CEP162: variants seen among roughly 807,000 people sequenced by gnomAD.
CEP162 encodes centrosomal protein 162.
Under a neutral mutation model 169.2 loss-of-function variants are expected in CEP162, and 141 were observed. That is an observed-to-expected ratio of 0.83 (90% CI 0.73 to 0.96). The LOEUF (loss-of-function observed/expected upper bound fraction) is 0.96, where lower values mean the gene tolerates loss of function less well. CEP162 is among the 40% of genes least tolerant of loss of function. The pLI, the probability that CEP162 is intolerant of heterozygous loss-of-function variation, is 0.00. For synonymous variants in CEP162, 540 were observed against 526.4 expected (o/e 1.03, Z -0.35); for missense variants, 1,600 against 1,587.2 (o/e 1.01, Z -0.14).
At chr6:84,183,463 T>C (rs1161727486) in intron 13 of CEP162, among the ~76,000 whole-genome samples, 1 of 152,104 alleles carries the variant, frequency 6.6e-6, no homozygotes, top group Admixed American at 6.6e-5. Context: ...ATGCAATCAC[T>C]CCCCAGTCTC....
chr6:84,147,254 T>C (rs2129198538), intron 24 of CEP162, among the ~76,000 whole-genome samples: 1 of 151,732 alleles, frequency 6.6e-6, no homozygotes, highest in Non-Finnish European at 1.5e-5. Flanking sequence ...ATACTGCATG[T>C]TCTCACTCAT....
chr6:84,155,377 A>C lies in CEP162; in HGVS notation c.2915T>G (p.Leu972Arg). 6.2e-7 allele frequency: 1 copy of C among 1,613,610 alleles called. No homozygotes were observed. Among genetic ancestry groups the C allele is most frequent in the Non-Finnish European group, 8.5e-7 (1 of 1,179,688 alleles). The change falls in exon 22 of 27, where the codon CTA (leucine) becomes CGA (arginine). Residue 972 changes from leucine to arginine, a missense_variant. By Grantham distance (102) the Leu-to-Arg change is moderately radical. Coordinates refer to ENST00000403245, the MANE Select transcript of CEP162 (RefSeq NM_014895.4). ...ATCTTTGCCCTCCAGATCAGCTTCT[A>C]GCTTTTTTATCCTTTTCTCCATAAA... ...VEFMEKRIKK[L>R]EADLEGKDED...
At chr6:84,131,412 T>G (rs2099511379) in intron 25 of CEP162, among the ~76,000 whole-genome samples, 1 of 152,206 alleles carries the variant, frequency 6.6e-6, no homozygotes, top group Non-Finnish European at 1.5e-5. Context: ...GTTAACTTTC[T>G]GTCTCGTTGA....
intron 25 of CEP162, among the ~76,000 whole-genome samples, chr6:84,139,170 T>C (rs2099515438): frequency 6.6e-6 from 1 of 152,202 alleles, no homozygotes; most frequent in South Asian, 2.1e-4. Context: ...TACATTTTCC[T>C]TTAGTGAAGA....
intron 22 of CEP162, among the ~76,000 whole-genome samples, chr6:84,154,045 T>C (rs1279863541): frequency 6.6e-6 from 1 of 151,898 alleles, no homozygotes; most frequent in African/African-American, 2.4e-5. Flanking sequence ...GTTTTGGAAG[T>C]AGGAAGAGCA....
intron 25 of CEP162, among the ~76,000 whole-genome samples, chr6:84,138,074 T>TA (rs2099514928): frequency 6.6e-6 from 1 of 152,336 alleles, no homozygotes; most frequent in Non-Finnish European, 1.5e-5. Context: ...ATTGCTCAGT[T>TA]ATCTCATGGC....
chr6:84,139,431 A>G (rs968473939), intron 25 of CEP162, among the ~76,000 whole-genome samples: 1 of 152,232 alleles, frequency 6.6e-6, no homozygotes, highest in South Asian at 2.1e-4. Flanking sequence ...ACACATTAAT[A>G]AATTTGTTTT....
At position 84,203,884 on chromosome 6, in the gene CEP162, A is replaced by G. The variant is rs2099545642; in HGVS notation, c.687+97T>C. The stretch of plus-strand genomic sequence containing the variant: ...TAAGTTTACAACAATAAGCAAGATT[A>G]TGAAGAACTCCATTTTTTGAGCTCT... On this transcript the variant is annotated intron_variant, in intron 7 of 26. Coordinates refer to ENST00000403245, the MANE Select transcript of CEP162 (RefSeq NM_014895.4). 5 of 545,344 alleles carry G rather than the reference A, an allele frequency of 9.2e-6. No individual in the cohort carries two copies. The South Asian group carries it at 1.8e-4, about 20-fold the overall frequency. The allele number at this position is 545,344 out of a possible 1,614,324, so 33.8% of individuals were successfully genotyped here. A position where few individuals can be genotyped will look rare whatever the true frequency, so the allele number is the denominator to read the frequency against.
intron 6 of CEP162, among the ~76,000 whole-genome samples, chr6:84,205,663 A>T (rs1452959751): frequency 6.6e-6 from 1 of 152,066 alleles, no homozygotes; most frequent in African/African-American, 2.4e-5. Context: ...CTGGCACAAG[A>T]CAGGGATGCC....
intron 11 of CEP162, among the ~76,000 whole-genome samples, chr6:84,189,288 C>T (rs947189570): frequency 3.9e-5 from 6 of 152,168 alleles, no homozygotes; most frequent in Admixed American, 3.9e-4. Context: ...AGCCCTTCAG[C>T]CCCCCACTGC....
At chr6:84,168,270 C>T (rs140721516) in intron 18 of CEP162, among the ~76,000 whole-genome samples, 274 of 152,196 alleles carry the variant, frequency 1.8e-3, no homozygotes, top group Non-Finnish European at 3.2e-3. Flanking sequence ...AAGGAGGGGT[C>T]GTCCAATAAT....
chr6:84,161,398 A>G (rs912145107), intron 20 of CEP162, among the ~76,000 whole-genome samples: 1 of 152,138 alleles, frequency 6.6e-6, no homozygotes, highest in African/African-American at 2.4e-5. Context: ...CTAAAGCTAG[A>G]GTATTCCAGG....
intron 2 of CEP162, 25 bp from the exon 3 acceptor site, chr6:84,221,196 T>C: frequency 9.0e-7 from 1 of 1,114,100 alleles, no homozygotes; most frequent in South Asian, 1.3e-5. Flanking sequence ...AGACATTCAA[T>C]TTGAAAATAC....
At chr6:84,186,646 G>A (rs1157647485) in intron 11 of CEP162, 23 bp from the exon 12 acceptor site, 1 of 1,570,176 alleles carries the variant, frequency 6.4e-7, no homozygotes, top group South Asian at 1.2e-5. Context: ...ACAGGACACA[G>A]ATAATGAACC....
chr6:84,204,135 GT>G (rs1188396729), intron 6 of CEP162, 39 bp from the exon 7 acceptor site: 68 of 1,243,590 alleles, frequency 5.5e-5, no homozygotes, highest in Non-Finnish European at 7.4e-5. Flanking sequence ...AGACCACATT[GT>G]TAAAAAAGTC....
At chr6:84,199,008 C>G (rs538321872) in intron 9 of CEP162, among the ~76,000 whole-genome samples, 96 of 152,176 alleles carry the variant, frequency 6.3e-4, no homozygotes, top group Admixed American at 2.6e-3. Context: ...TTCTTTTTTA[C>G]TGGTTTTAAT....
chr6:84,196,871 C>G (rs1562071406), intron 9 of CEP162, among the ~76,000 whole-genome samples: 1 of 152,112 alleles, frequency 6.6e-6, no homozygotes, highest in Non-Finnish European at 1.5e-5. Context: ...ATCCAAATAA[C>G]AAGTTTGCTT....
chr6:84,134,024 C>A (rs1158630446), intron 25 of CEP162, among the ~76,000 whole-genome samples: 1 of 152,174 alleles, frequency 6.6e-6, no homozygotes, highest in East Asian at 1.9e-4. Context: ...AAGACCCTGA[C>A]TGGGGCTGCT....
chr6:84,223,131 CTTACT>C (rs1554186258), intron 2 of CEP162, among the ~76,000 whole-genome samples: 2 of 152,152 alleles, frequency 1.3e-5, no homozygotes, highest in African/African-American at 2.4e-5. Flanking sequence ...GATAAGTGTT[CTTACT>C]TTAAACAACC....
Sources: gnomAD v4.1 joint callset for allele counts (sites outside exome capture counted in the v4.1 genomes callset) on GRCh38, gnomAD v4.1.1 for gene constraint, MANE v1.5 for transcripts, NCBI Gene and HGNC (gene_info 2026-07-23, HGNC 2026-07-21) for gene names.